Variants in CPQ observed in about 807,000 individuals in gnomAD.
The protein encoded by CPQ is Ser-Met dipeptidase.
Under a neutral mutation model 45.7 loss-of-function variants are expected in CPQ, and 37 were observed. The ratio of observed to expected loss-of-function variants is 0.81; its 90% CI spans 0.62 to 1.07. The LOEUF is 1.07. Among genes scored for constraint, CPQ ranks in the 50% least tolerant of loss-of-function variants. The pLI is 0.00. For missense variants in CPQ, 537 were observed against 572.9 expected, an observed-to-expected ratio of 0.94 and a Z score of 0.64; for synonymous variants, 186 against 205.8, an observed-to-expected ratio of 0.90 and a Z score of 0.82.
At chr8:96,877,758 CAA>C (rs901276069) in intron 3 of CPQ, among the ~76,000 whole-genome samples, 1 of 152,076 alleles carries the variant, frequency 6.6e-6, no homozygotes, top group African/African-American at 2.4e-5. Flanking sequence ...AATTTAGAAA[CAA>C]AGAGGTAATC....
chr8:96,645,992 T>C (rs1815516079), intron 1 of CPQ, among the ~76,000 whole-genome samples: 1 of 148,650 alleles, frequency 6.7e-6, no homozygotes, highest in African/African-American at 2.5e-5. Context: ...TAGAACTGAG[T>C]GAATTAACAA....
chr8:96,905,751 T>C (rs910573953), intron 4 of CPQ, among the ~76,000 whole-genome samples: 1 of 140,702 alleles, frequency 7.1e-6, no homozygotes, highest in Non-Finnish European at 1.5e-5. Context: ...AATTCAGCCC[T>C]GTCTTAACCA....
At chr8:97,005,151 G>A (rs1249395989) in intron 5 of CPQ, among the ~76,000 whole-genome samples, 1 of 150,758 alleles carries the variant, frequency 6.6e-6, no homozygotes, top group African/African-American at 2.4e-5. Context: ...GTGTGATCTC[G>A]GCTCACTGCA....
chr8:96,861,177 G>T (rs982005529), intron 3 of CPQ, among the ~76,000 whole-genome samples: 1 of 152,098 alleles, frequency 6.6e-6, no homozygotes, highest in Non-Finnish European at 1.5e-5. Context: ...TGTCTAGATT[G>T]TACTTCTAAG....
chr8:96,950,583 T>C (rs1184585384), intron 4 of CPQ, among the ~76,000 whole-genome samples: 1 of 152,096 alleles, frequency 6.6e-6, no homozygotes, highest in East Asian at 1.9e-4. Context: ...CCTATCTCCA[T>C]TTCCCAGCCC....
intron 4 of CPQ, among the ~76,000 whole-genome samples, chr8:96,903,503 G>A (rs1215392958): frequency 2.0e-5 from 3 of 152,178 alleles, no homozygotes; most frequent in African/African-American, 7.2e-5. Flanking sequence ...CTGATTTTAA[G>A]TCAGATCTAT....
rs528477130 is a variant in CPQ, at chr8:96,922,172, C to G, written c.849+42167C>G. Among the ~76,000 whole-genome samples the G allele has an allele frequency of 3.9e-5, 6 of 152,114 alleles. No individual in the cohort carries two copies. In the East Asian group the frequency reaches 1.2e-3, roughly 29 times the overall value. On this transcript the variant is annotated intron_variant, in intron 4 of 7. Transcript: ENST00000220763. ...GAGTATGCAACTTTAAGTTACTGGC[C>G]GTCTAATTAAAAAGATGTTTCCAAA...
At chr8:96,906,719 A>C (rs1474179891) in intron 4 of CPQ, among the ~76,000 whole-genome samples, 2 of 152,052 alleles carry the variant, frequency 1.3e-5, no homozygotes, top group East Asian at 3.9e-4. Flanking sequence ...GGGGCAAGGC[A>C]GCTCTCTGGG....
At chr8:96,743,911 G>A (rs551426083) in intron 1 of CPQ, among the ~76,000 whole-genome samples, 1 of 152,344 alleles carries the variant, frequency 6.6e-6, no homozygotes, top group East Asian at 1.9e-4. Context: ...AGTCTGCAGA[G>A]GTTACTGCTG....
chr8:96,751,575 C>G (rs2130785878), intron 1 of CPQ, among the ~76,000 whole-genome samples: 1 of 152,234 alleles, frequency 6.6e-6, no homozygotes, highest in East Asian at 1.9e-4. Context: ...CATTTTCTCC[C>G]ATTCTGTAGG....
intron 1 of CPQ, among the ~76,000 whole-genome samples, chr8:96,666,349 C>A (rs1428382679): frequency 6.6e-6 from 1 of 152,100 alleles, no homozygotes; most frequent in Non-Finnish European, 1.5e-5. Flanking sequence ...ACAGTCCCTC[C>A]TGGTCCATTG....
chr8:97,051,047 G>A (rs2130506335), intron 6 of CPQ, among the ~76,000 whole-genome samples: 1 of 152,182 alleles, frequency 6.6e-6, no homozygotes, highest in East Asian at 1.9e-4. Flanking sequence ...GCTATTATGT[G>A]ACAGAACCAG....
chr8:97,012,389 G>T (rs1809503391), intron 5 of CPQ, among the ~76,000 whole-genome samples: 1 of 152,190 alleles, frequency 6.6e-6, no homozygotes, highest in Non-Finnish European at 1.5e-5. Context: ...AAATTTAAAT[G>T]TTGGGGCATG....
At chr8:96,892,207 G>A (rs1054178126) in intron 4 of CPQ, among the ~76,000 whole-genome samples, 8 of 152,294 alleles carry the variant, frequency 5.3e-5, no homozygotes, top group African/African-American at 1.9e-4. Context: ...AACAGCTTTA[G>A]CATTGATGCT....
At chr8:97,082,694 C>T (rs78157104) in intron 7 of CPQ, among the ~76,000 whole-genome samples, 2,709 of 152,226 alleles carry the variant, frequency 0.018, 68 homozygotes, top group African/African-American at 0.061. Context: ...TTACTTGAGA[C>T]GCTCAAACTC....
At chr8:96,912,953 G>A (rs1563527435) in intron 4 of CPQ, among the ~76,000 whole-genome samples, 3 of 152,168 alleles carry the variant, frequency 2.0e-5, no homozygotes, top group Admixed American at 2.0e-4. Flanking sequence ...ATCTGATAAT[G>A]ACATTCTCAC....
chr8:96,985,128 T>C (rs1813991123), intron 5 of CPQ, among the ~76,000 whole-genome samples: 4 of 152,154 alleles, frequency 2.6e-5, no homozygotes. Context: ...TTTTTCTGGC[T>C]CTTATAGTTG....
intron 4 of CPQ, among the ~76,000 whole-genome samples, chr8:96,957,503 A>G (rs1813375237): frequency 6.6e-6 from 1 of 152,132 alleles, no homozygotes; most frequent in South Asian, 2.1e-4. Context: ...AAACTGAGCC[A>G]TAAAAGAGTC....
At chr8:96,801,649 A>G (rs1247255842) in intron 2 of CPQ, among the ~76,000 whole-genome samples, 2 of 152,106 alleles carry the variant, frequency 1.3e-5, no homozygotes, top group African/African-American at 4.8e-5. Flanking sequence ...TTTTATGAAA[A>G]ATCTTCTAGG....
Sources: allele counts gnomAD v4.1 joint callset (sites outside exome capture counted in the v4.1 genomes callset), GRCh38; gene constraint gnomAD v4.1.1; transcripts MANE v1.5; gene names NCBI Gene and HGNC (gene_info 2026-07-23, HGNC 2026-07-21).